The following WDFY4 variants were observed in gnomAD, a reference collection of about 807,000 sequenced individuals.
The protein encoded by WDFY4 is WD repeat- and FYVE domain-containing protein 4.
Under a neutral mutation model 351.9 loss-of-function variants are expected in WDFY4, and 169 were observed. The observed-to-expected ratio is 0.48, with a 90% CI of 0.42 to 0.55. The LOEUF (loss-of-function observed/expected upper bound fraction) is 0.55. Ranked by LOEUF, WDFY4 falls within the 20% of genes least tolerant of loss-of-function variation. WDFY4 has a pLI of 0.00. For missense variants in WDFY4, 3,803 were observed against 3,935.6 expected (o/e 0.97, Z 0.90); for synonymous variants, 1,622 against 1,574.6 (o/e 1.03, Z -0.71).
chr10:48,820,330 C>T lies in WDFY4; in HGVS notation c.5602C>T (p.His1868Tyr), dbSNP rs537329340. The part of the protein sequence containing the change: ...VEGLQAPTKA[H>Y]PARRKLREFT... ...GGGTCTCCAGGCTCCCACCAAGGCA[C>T]ATCCCGCCCGGAGGAAGCTGAGGGA... Residue 1868 changes from histidine (H) to tyrosine (Y), a missense_variant, in exon 33 of 62, where the codon CAT (histidine) becomes TAT (tyrosine). Coordinates refer to ENST00000325239, the MANE Select transcript of WDFY4 (RefSeq NM_001394531.1). 6.4e-7 allele frequency: 1 copy of T among 1,551,646 alleles called. No individual in the cohort carries two copies. The highest frequency in any genetic ancestry group is 2.4e-5 in the East Asian group (1 of 40,912).
intron 47 of WDFY4, among the ~76,000 whole-genome samples, chr10:48,926,602 C>T (rs1421269015): frequency 6.6e-6 from 1 of 152,142 alleles, no homozygotes; most frequent in Non-Finnish European, 1.5e-5. Flanking sequence ...TTCAGTGTGA[C>T]CCATTGTCTG....
At chr10:48,828,316 T>C (rs895587850) in intron 36 of WDFY4, among the ~76,000 whole-genome samples, 3 of 152,178 alleles carry the variant, frequency 2.0e-5, no homozygotes, top group African/African-American at 7.2e-5. Context: ...AATTTCAAGA[T>C]GATGACAGCA....
intron 39 of WDFY4, among the ~76,000 whole-genome samples, chr10:48,866,735 A>G (rs910739246): frequency 1.3e-5 from 2 of 152,180 alleles, no homozygotes; most frequent in African/African-American, 4.8e-5. Flanking sequence ...ATAGTTGGAG[A>G]TGGAAGCAAC....
rs149005758 is a variant in WDFY4 at position 48,863,685 on chromosome 10, T to C, written c.6664-3580T>C. Among the ~76,000 whole-genome samples the C allele has an allele frequency of 3.3e-5, 5 of 152,318 alleles. No individual in the cohort carries two copies. In the East Asian group the frequency reaches 9.6e-4, roughly 29 times the overall value. On this transcript the variant is annotated intron_variant, in intron 39 of 61. Coordinates refer to ENST00000325239, the MANE Select transcript of WDFY4 (RefSeq NM_001394531.1). ...TAATAGTGTCTTTCGAAGCACAAAT[T>C]TTTACTTTTGGTGAAGTCCAACTTA...
chr10:48,768,434 C>A (rs778695516), intron 13 of WDFY4, among the ~76,000 whole-genome samples: 1 of 152,214 alleles, frequency 6.6e-6, no homozygotes, highest in Non-Finnish European at 1.5e-5. Flanking sequence ...GCTCTGCTTA[C>A]TCTCACCTGC....
At chr10:48,898,681 C>T (rs1488272371) in intron 45 of WDFY4, among the ~76,000 whole-genome samples, 4 of 152,202 alleles carry the variant, frequency 2.6e-5, no homozygotes, top group African/African-American at 9.7e-5. Context: ...AGCAGCTCCA[C>T]TCTAGCCCTC....
At chr10:48,845,629 T>A (rs897515200) in intron 39 of WDFY4, among the ~76,000 whole-genome samples, 1 of 152,168 alleles carries the variant, frequency 6.6e-6, no homozygotes, top group African/African-American at 2.4e-5. Flanking sequence ...GTGGGCCAGG[T>A]GCTGTCTTGG....
chr10:48,701,524 A>T (rs1296867866), intron 1 of WDFY4, among the ~76,000 whole-genome samples: 1 of 152,248 alleles, frequency 6.6e-6, no homozygotes, highest in Non-Finnish European at 1.5e-5. Flanking sequence ...GCAAAAGTGG[A>T]TGAGAACTTA....
chr10:48,805,361 C>T lies in WDFY4; in HGVS notation c.4586C>T (p.Thr1529Ile), dbSNP rs7903289. The change falls in exon 26 of 62, where the codon ACC becomes ATC. Residue 1529 changes from threonine (T) to isoleucine (I), a missense_variant. Thr to Ile is a moderately conservative substitution (Grantham distance 89, BLOSUM62 -1). Coordinates refer to ENST00000325239, the MANE Select transcript of WDFY4 (RefSeq NM_001394531.1). ...EPSLIPSKISTIIGILACQLR... is the reference protein window; with the variant it reads ...EPSLIPSKISIIIGILACQLR... ...AGCCTCATCCCCTCCAAGATCTCCA[C>T]CATCATTGGCATCCTGGCCTGTCAG... is the stretch of plus-strand genomic sequence containing the variant. 9.0e-6 allele frequency: 14 copies of T among 1,549,554 alleles called. No individual in the cohort carries two copies. The highest frequency in any genetic ancestry group is 4.9e-5 in the East Asian group (2 of 40,916).
intron 39 of WDFY4, among the ~76,000 whole-genome samples, chr10:48,852,725 G>C (rs2068999449): frequency 6.6e-6 from 1 of 152,128 alleles, no homozygotes; most frequent in African/African-American, 2.4e-5. Flanking sequence ...CTCCCTACAA[G>C]CTCCTGGCCT....
chr10:48,888,583 C>A (rs968838116), intron 43 of WDFY4, among the ~76,000 whole-genome samples: 1 of 152,078 alleles, frequency 6.6e-6, no homozygotes, highest in Non-Finnish European at 1.5e-5. Context: ...GTTGCAACCA[C>A]AATAAAACCC....
At chr10:48,743,679 C>A in intron 12 of WDFY4, 131 bp downstream of exon 12, 1 of 1,092,668 alleles carries the variant, frequency 9.2e-7, no homozygotes, top group Non-Finnish European at 1.3e-6. Context: ...GTGACCTCAA[C>A]TTCCTCAAAT....
At position 48,734,004 on chromosome 10, in the gene WDFY4, C is replaced by T. The variant is rs2064559396; in HGVS notation, c.1656C>T (p.Val552=). The change falls in exon 10 of 62, where the codon GTC becomes GTT. Residue 552 remains valine (V), a synonymous_variant. Coordinates refer to ENST00000325239, the MANE Select transcript of WDFY4 (RefSeq NM_001394531.1). ...CCTGTGTGATGCTGAGGATTGTAGT[C>T]ACACTTCTGAAAGGCTCGGTGAGGA... is the stretch of plus-strand genomic sequence containing the variant. ...ELTCVMLRIV[V]TLLKGSVRNA... The T allele has an allele frequency of 1.3e-6, 2 of 1,551,860 alleles. No homozygotes were observed. The highest frequency in any genetic ancestry group is 1.7e-6 in the Non-Finnish European group (2 of 1,147,060).
chr10:48,745,611 C>T, intron 12 of WDFY4: 2 of 530,664 alleles, frequency 3.8e-6, no homozygotes, highest in South Asian at 3.3e-5. Flanking sequence ...CCTGTTTCTG[C>T]AGCCTTATGA....
At position 48,743,294 on chromosome 10, in the gene WDFY4, G is replaced by T. The variant is rs775355417; in HGVS notation, c.2205G>T (p.Val735=). 2.1e-5 allele frequency: 32 copies of T among 1,551,678 alleles called. No individual in the cohort carries two copies. Among genetic ancestry groups the T allele is most frequent in the South Asian group, 5.9e-5 (5 of 84,056 alleles). ...EEEGNLLRSW[V]DTKARPFADL... ...AGGGCAACCTGCTGCGCTCTTGGGT[G>T]GACACAAAGGCCAGGCCATTTGCAG... The change falls in exon 12 of 62, where the codon GTG becomes GTT. Residue 735 remains valine, a synonymous_variant. Coordinates refer to ENST00000325239, the MANE Select transcript of WDFY4 (RefSeq NM_001394531.1).
At chr10:48,920,658 CT>C (rs2133580287) in intron 47 of WDFY4, among the ~76,000 whole-genome samples, 1 of 152,260 alleles carries the variant, frequency 6.6e-6, no homozygotes, top group African/African-American at 2.4e-5. Context: ...TTTGGAAATT[CT>C]AACCAGTGCA....
intron 1 of WDFY4, among the ~76,000 whole-genome samples, chr10:48,701,201 T>TA (rs2063471058): frequency 6.6e-6 from 1 of 152,224 alleles, no homozygotes; most frequent in African/African-American, 2.4e-5. Flanking sequence ...TGTGACTGGT[T>TA]AGTTCACTTT....
chr10:48,880,679 C>T (rs900461329), intron 43 of WDFY4, among the ~76,000 whole-genome samples: 1 of 152,202 alleles, frequency 6.6e-6, no homozygotes, highest in Non-Finnish European at 1.5e-5. Context: ...GCTCCTGGCC[C>T]AGAGGACTGG....
At chr10:48,930,804 T>C (rs1374204677) in intron 47 of WDFY4, among the ~76,000 whole-genome samples, 1 of 152,090 alleles carries the variant, frequency 6.6e-6, no homozygotes, top group Non-Finnish European at 1.5e-5. Context: ...AAAAAATTAT[T>C]TCCCAAAAAT....
Sources: allele counts gnomAD v4.1 joint callset (sites outside exome capture counted in the v4.1 genomes callset), GRCh38; gene constraint gnomAD v4.1.1; transcripts MANE v1.5; gene names NCBI Gene and HGNC (gene_info 2026-07-23, HGNC 2026-07-21).